The following EPHA5 variants were observed in gnomAD, a reference collection of about 807,000 sequenced individuals.
EPHA5 encodes ephrin type-A receptor 5.
A neutral mutation model predicts 105.0 loss-of-function variants in EPHA5; 60 were observed. The ratio of observed to expected loss-of-function variants is 0.57; its 90% CI spans 0.46 to 0.71. The LOEUF is 0.71. Ranked by LOEUF, EPHA5 falls within the 30% of genes least tolerant of loss-of-function variation. EPHA5 has a pLI of 0.00. For synonymous variants in EPHA5, 513 were observed against 449.1 expected (o/e 1.14, Z -1.80); for missense variants, 1,218 against 1,274.7 (o/e 0.96, Z 0.68).
chr4:65,382,918 C>T (rs2148933941), intron 8 of EPHA5, among the ~76,000 whole-genome samples: 1 of 151,294 alleles, frequency 6.6e-6, no homozygotes, highest in East Asian at 2.0e-4. Context: ...TTGTAATTAG[C>T]ATATTAATGG....
rs34861369 is a variant in EPHA5, at chr4:65,620,108, G to GTATATATATATATATATATATATA, written c.247-17805_247-17804insTATATATATATATATATATATATA. 3.0e-4 allele frequency among the ~76,000 whole-genome samples: 41 copies of GTATATATATATATATATATATATA among 137,336 alleles called. 1 individual carries two copies. Among genetic ancestry groups the GTATATATATATATATATATATATA allele is most frequent in the African/African-American group, 7.3e-4 (27 of 37,116 alleles). The allele number at this position is 137,336 out of a possible 152,430, so 90.1% of individuals were successfully genotyped here. A position where few individuals can be genotyped will look rare whatever the true frequency, so the allele number is the denominator to read the frequency against. On this transcript the variant is annotated intron_variant, in intron 2 of 16. Transcript: ENST00000613740. ...AGATCTACAGAATATTTGGACTCAG[G>GTATATATATATATATATATATATA]TATATATATATATATATATATTAAA... is the stretch of plus-strand genomic sequence containing the variant.
intron 10 of EPHA5, among the ~76,000 whole-genome samples, chr4:65,365,651 A>ATC (rs1553900993): frequency 6.2e-5 from 1 of 16,066 alleles, no homozygotes; most frequent in Non-Finnish European, 1.0e-4. Context: ...CAAATTCACT[A>ATC]TATATATATA....
chr4:65,410,450 A>T (rs1202500177), intron 7 of EPHA5, among the ~76,000 whole-genome samples: 3 of 152,184 alleles, frequency 2.0e-5, no homozygotes, highest in Non-Finnish European at 2.9e-5. Flanking sequence ...TGTGCTTATT[A>T]AAAAGCAACA....
intron 3 of EPHA5, among the ~76,000 whole-genome samples, chr4:65,558,008 C>G (rs1218555134): frequency 6.6e-6 from 1 of 151,992 alleles, no homozygotes; most frequent in Non-Finnish European, 1.5e-5. Context: ...TCCAGAGTAG[C>G]TGGGATTACA....
chr4:65,331,667 A>G, intron 16 of EPHA5: 4 of 1,116,828 alleles, frequency 3.6e-6, no homozygotes, highest in Non-Finnish European at 4.4e-6. Context: ...ATACCAGTAT[A>G]AAAAAACTTG....
At chr4:65,641,366 C>T (rs753758444) in intron 2 of EPHA5, among the ~76,000 whole-genome samples, 90 of 152,164 alleles carry the variant, frequency 5.9e-4, no homozygotes, top group South Asian at 1.5e-3. Context: ...AGTTCCAAAA[C>T]AATTGACTCG....
intron 1 of EPHA5, among the ~76,000 whole-genome samples, chr4:65,647,138 C>A (rs1748178114): frequency 6.6e-6 from 1 of 151,762 alleles, no homozygotes; most frequent in Non-Finnish European, 1.5e-5. Context: ...ACCATCCTGG[C>A]TAACACGGTG....
At chr4:65,526,625 T>C (rs534485679) in intron 3 of EPHA5, among the ~76,000 whole-genome samples, 3 of 152,018 alleles carry the variant, frequency 2.0e-5, no homozygotes, top group Admixed American at 1.3e-4. Context: ...TTGTTTGTTA[T>C]AGTAAGTATC....
chr4:65,538,414 C>T (rs1578370287), intron 3 of EPHA5, among the ~76,000 whole-genome samples: 1 of 151,684 alleles, frequency 6.6e-6, no homozygotes, highest in Non-Finnish European at 1.5e-5. Context: ...CATTCCCTTC[C>T]TATTCCAAGC....
intron 16 of EPHA5, 169 bp downstream of exon 16, chr4:65,331,804 C>T: frequency 7.8e-6 from 10 of 1,286,182 alleles, no homozygotes; most frequent in Middle Eastern, 2.6e-4. Context: ...CCACATGTAG[C>T]ATTAACCATG....
intron 5 of EPHA5, among the ~76,000 whole-genome samples, chr4:65,449,694 G>A (rs901349916): frequency 6.6e-6 from 1 of 152,068 alleles, no homozygotes; most frequent in Non-Finnish European, 1.5e-5. Context: ...TAGGGGCTTT[G>A]CAGGACCATG....
intron 5 of EPHA5, among the ~76,000 whole-genome samples, chr4:65,468,577 TA>T (rs1728958661): frequency 2.1e-5 from 2 of 93,386 alleles, no homozygotes; most frequent in African/African-American, 4.1e-5. Flanking sequence ...TATATATATA[TA>T]TGTAAAATAT....
At chr4:65,423,801 AGAAAAG>A (rs1724162404) in intron 5 of EPHA5, among the ~76,000 whole-genome samples, 1 of 151,806 alleles carries the variant, frequency 6.6e-6, no homozygotes, top group Admixed American at 6.6e-5. Flanking sequence ...TTCATTTATT[AGAAAAG>A]GCATTAGAAA....
At chr4:65,645,716 C>T (rs1163277354) in intron 1 of EPHA5, among the ~76,000 whole-genome samples, 3 of 151,094 alleles carry the variant, frequency 2.0e-5, no homozygotes, top group East Asian at 1.9e-4. Flanking sequence ...TTCTCAATGT[C>T]GGAATACACT....
At chr4:65,521,857 A>G (rs1197047299) in intron 3 of EPHA5, among the ~76,000 whole-genome samples, 1 of 152,000 alleles carries the variant, frequency 6.6e-6, no homozygotes, top group Non-Finnish European at 1.5e-5. Context: ...CATGTTATAA[A>G]GTAGGTGCCT....
chr4:65,600,030 A>C (rs1176196708), intron 3 of EPHA5, among the ~76,000 whole-genome samples: 1 of 152,212 alleles, frequency 6.6e-6, no homozygotes, highest in Non-Finnish European at 1.5e-5. Flanking sequence ...CTCTAAAATG[A>C]TAGAAACAAA....
In EPHA5 at chr4:65,420,487, C is replaced by A. The variant is rs777851171; in HGVS notation, c.1481G>T (p.Arg494Leu). 9.9e-6 allele frequency: 16 copies of A among 1,612,344 alleles called. No individual in the cohort carries two copies. Among genetic ancestry groups the A allele is most frequent in the Non-Finnish European group, 1.4e-5 (16 of 1,179,166 alleles). ...SISLSWQEPD[R>L]PNGIILEYEI... ...ATACTCTAGGATGATTCCATTGGGA[C>A]GATCTGGTTCTTGCCAAGACAAAGA... is the stretch of plus-strand genomic sequence containing the variant. The change falls in exon 6 of 17, where the codon CGT becomes CTT. Residue 494 changes from arginine (R) to leucine (L), a missense_variant. This residue lies in a region of EPHA5 where 971 missense variants were observed against 1,013.5 expected (regional missense o/e 0.96). Coordinates refer to ENST00000613740, the MANE Select transcript of EPHA5 (RefSeq NM_001281766.3).
intron 8 of EPHA5, among the ~76,000 whole-genome samples, chr4:65,369,728 G>C (rs1718271737): frequency 6.6e-6 from 1 of 152,092 alleles, no homozygotes; most frequent in African/African-American, 2.4e-5. Flanking sequence ...AGCACTTTGG[G>C]AATCTGAGGT....
At chr4:65,620,057 C>A (rs1745577489) in intron 2 of EPHA5, among the ~76,000 whole-genome samples, 1 of 148,090 alleles carries the variant, frequency 6.8e-6, no homozygotes, top group African/African-American at 2.5e-5. Flanking sequence ...AGAGCAAATT[C>A]TTTGGAATCT....
Sources: gnomAD v4.1 joint callset for allele counts (sites outside exome capture counted in the v4.1 genomes callset) on GRCh38, gnomAD v4.1.1 for gene constraint, gnomAD v4.1.1 regional missense constraint, MANE v1.5 for transcripts, NCBI Gene and HGNC (gene_info 2026-07-23, HGNC 2026-07-21) for gene names.